MECOM: variants seen among roughly 807,000 people sequenced by gnomAD.
The protein encoded by MECOM is MDS1 and EVI1 complex locus, also known as histone-lysine N-methyltransferase MECOM.
In MECOM, 13 loss-of-function variants were observed where a neutral mutation model predicts 116.3. The observed-to-expected ratio is 0.11, with a 90% CI of 0.07 to 0.18. The LOEUF (loss-of-function observed/expected upper bound fraction) is 0.18, where lower values mean the gene tolerates loss of function less well. Ranked by LOEUF, MECOM falls within the 10% of genes least tolerant of loss-of-function variation. The pLI, the probability that MECOM is intolerant of heterozygous loss-of-function variation, is 1.00. For missense variants in MECOM, 1,299 were observed against 1,509.0 expected, an observed-to-expected ratio of 0.86 and a Z score of 2.31; for synonymous variants, 528 against 535.2, an observed-to-expected ratio of 0.99 and a Z score of 0.19.
chr3:169,543,841 G>C (rs1760393274), intron 1 of MECOM, among the ~76,000 whole-genome samples: 1 of 152,070 alleles, frequency 6.6e-6, no homozygotes, highest in Non-Finnish European at 1.5e-5. Flanking sequence ...CTGCATACTT[G>C]AGGGGAAAAA....
chr3:169,240,285 T>C (rs535667205), intron 2 of MECOM, among the ~76,000 whole-genome samples: 8 of 152,306 alleles, frequency 5.3e-5, no homozygotes, highest in Admixed American at 4.6e-4. Context: ...CCCTGAACTC[T>C]GAGCTGTTCC....
At chr3:169,287,832 G>A (rs761962843) in intron 2 of MECOM, among the ~76,000 whole-genome samples, 23 of 151,996 alleles carry the variant, frequency 1.5e-4, no homozygotes, top group Non-Finnish European at 2.9e-4. Context: ...TTGTATAGGA[G>A]TTTAAAATGT....
chr3:169,338,880 T>C (rs897982327), intron 2 of MECOM, among the ~76,000 whole-genome samples: 3 of 151,764 alleles, frequency 2.0e-5, no homozygotes, highest in Non-Finnish European at 4.4e-5. Flanking sequence ...AGGAAGAGAG[T>C]GATAGGAAAA....
intron 2 of MECOM, among the ~76,000 whole-genome samples, chr3:169,244,196 T>C (rs898800033): frequency 5.3e-5 from 8 of 152,224 alleles, no homozygotes; most frequent in Non-Finnish European, 1.2e-4. Flanking sequence ...AAAATCTACC[T>C]AAAACATTTC....
intron 10 of MECOM, among the ~76,000 whole-genome samples, chr3:169,106,106 ATAAC>A (rs1409373078): frequency 6.6e-6 from 1 of 152,192 alleles, no homozygotes; most frequent in Non-Finnish European, 1.5e-5. Flanking sequence ...TTATCATAAA[ATAAC>A]TAACTTTTCA....
intron 3 of MECOM, among the ~76,000 whole-genome samples, chr3:169,142,822 T>C (rs777641159): frequency 2.0e-4 from 31 of 151,942 alleles, no homozygotes; most frequent in Admixed American, 6.6e-4. Context: ...TTCTTCTTGA[T>C]GGTGATTTCA....
At chr3:169,610,363 G>A (rs1374987472) in intron 1 of MECOM, among the ~76,000 whole-genome samples, 2 of 152,290 alleles carry the variant, frequency 1.3e-5, no homozygotes, top group East Asian at 1.9e-4. Flanking sequence ...TGACAATGAT[G>A]AGAATGAGGA....
chr3:169,644,865 G>C (rs942607339), intron 1 of MECOM, among the ~76,000 whole-genome samples: 1 of 152,006 alleles, frequency 6.6e-6, no homozygotes, highest in African/African-American at 2.4e-5. Context: ...AAGGAGTGTG[G>C]GCCCTTCAGG....
At chr3:169,441,386 A>T in intron 1 of MECOM, among the ~76,000 whole-genome samples, 1 of 152,184 alleles carries the variant, frequency 6.6e-6, no homozygotes, top group East Asian at 1.9e-4. Flanking sequence ...AATCATACCC[A>T]TTTTTAAAAC....
chr3:169,215,658 T>A (rs1205626280), intron 2 of MECOM, among the ~76,000 whole-genome samples: 1 of 152,174 alleles, frequency 6.6e-6, no homozygotes, highest in African/African-American at 2.4e-5. Context: ...TGTGGCAAAA[T>A]CACCCTCACC....
intron 12 of MECOM, among the ~76,000 whole-genome samples, chr3:169,097,954 A>C (rs1020640704): frequency 5.3e-5 from 8 of 152,026 alleles, no homozygotes; most frequent in Non-Finnish European, 1.0e-4. Flanking sequence ...TTAAAACCTA[A>C]TAGAACTTTC....
intron 1 of MECOM, among the ~76,000 whole-genome samples, chr3:169,647,125 T>C (rs1774288024): frequency 1.3e-5 from 2 of 152,228 alleles, no homozygotes; most frequent in South Asian, 4.1e-4. Flanking sequence ...CTTTTATTTC[T>C]GGATTTAAAA....
intron 1 of MECOM, among the ~76,000 whole-genome samples, chr3:169,477,270 G>A (rs1750640208): frequency 6.6e-6 from 1 of 151,170 alleles, no homozygotes; most frequent in South Asian, 2.1e-4. Context: ...AACTCCAAAT[G>A]GTAACTGGCT....
chr3:169,273,607 G>A lies in MECOM; in HGVS notation c.375+107580C>T, dbSNP rs73879046. ...GGAGAGAAGGGCTTGGGAATGCTAC[G>A]GTTTCTCTATAGCAGTTTTATCTTA... On this transcript the variant is annotated intron_variant, in intron 2 of 16. Coordinates refer to ENST00000651503, the MANE Select transcript of MECOM (RefSeq NM_004991.4). Among the ~76,000 whole-genome samples, 987 of 152,256 alleles carry A rather than the reference G, an allele frequency of 6.5e-3. 11 individuals carry two copies. The highest frequency in any genetic ancestry group is 0.022 in the African/African-American group (926 of 41,538).
rs148703362 is a variant in MECOM at position 169,209,737 on chromosome 3, T to C, written c.376-65905A>G. On this transcript the variant is annotated intron_variant, in intron 2 of 16. Transcript: ENST00000651503. ...TGGTGAGGCTGTGGGGCAATAGGAA[T>C]GCTTTTACACTGTTGGTGGGAATGT... is the stretch of plus-strand genomic sequence containing the variant. Among the ~76,000 whole-genome samples the C allele has an allele frequency of 5.8e-3, 880 of 152,268 alleles. 10 individuals are homozygous for C. The highest frequency in any genetic ancestry group is 0.02 in the African/African-American group (837 of 41,564).
chr3:169,285,607 G>T (rs931636499), intron 2 of MECOM, among the ~76,000 whole-genome samples: 4 of 152,150 alleles, frequency 2.6e-5, no homozygotes, highest in African/African-American at 9.7e-5. Context: ...TTGGGGAAAA[G>T]GTGAAAGACG....
At position 169,611,260 on chromosome 3, in the gene MECOM, G is replaced by A. The variant is rs1432063712; in HGVS notation, c.37+52076C>T. Among the ~76,000 whole-genome samples the A allele has an allele frequency of 2.6e-5, 4 of 152,156 alleles. No individual in the cohort carries two copies. The highest frequency in any genetic ancestry group is 9.7e-5 in the African/African-American group (4 of 41,440). On this transcript the variant is annotated intron_variant, in intron 1 of 16. Coordinates refer to ENST00000651503, the MANE Select transcript of MECOM (RefSeq NM_004991.4). This position sits in a 1 kb window ranked among gnomAD's most constrained non-coding sequence, Gnocchi z 4.1. ...CCAAGAGTGACAGATAGTGCCTCGG[G>A]CACTGCCACTGTCTCTTCCAATGCA... is the stretch of plus-strand genomic sequence containing the variant.
At chr3:169,351,131 A>G (rs1289076407) in intron 2 of MECOM, among the ~76,000 whole-genome samples, 1 of 151,860 alleles carries the variant, frequency 6.6e-6, no homozygotes, top group Non-Finnish European at 1.5e-5. Flanking sequence ...AAATTTAGAA[A>G]AACACATTAA....
chr3:169,164,716 C>T (rs932906300), intron 2 of MECOM, among the ~76,000 whole-genome samples: 29 of 152,002 alleles, frequency 1.9e-4, no homozygotes, highest in African/African-American at 7.0e-4. Flanking sequence ...CTAATAAAAA[C>T]AATTATATTT....
Sources: allele counts gnomAD v4.1 joint callset (sites outside exome capture counted in the v4.1 genomes callset), GRCh38; gene constraint gnomAD v4.1.1; non-coding constraint Gnocchi (gnomAD v3.1); transcripts MANE v1.5; gene names NCBI Gene and HGNC (gene_info 2026-07-23, HGNC 2026-07-21).